Variants in STXBP6 observed in about 807,000 individuals in gnomAD.
The protein encoded by STXBP6 is syntaxin-binding protein 6.
Under a neutral mutation model 26.9 loss-of-function variants are expected in STXBP6, and 21 were observed. That is an observed-to-expected ratio of 0.78 (90% CI 0.55 to 1.12). STXBP6 has a LOEUF of 1.12. Ranked by LOEUF, STXBP6 falls within the 50% of genes most tolerant of loss-of-function variation. The probability of loss-of-function intolerance (pLI) is 0.00; values close to 1 mark genes in which losing one functional copy is unlikely to be tolerated. For synonymous variants in STXBP6, 97 were observed against 92.6 expected (o/e 1.05, Z -0.27); for missense variants, 232 against 257.9 (o/e 0.90, Z 0.69).
At chr14:24,839,545 G>C (rs772465964) in intron 4 of STXBP6, among the ~76,000 whole-genome samples, 37 of 152,036 alleles carry the variant, frequency 2.4e-4, no homozygotes, top group Non-Finnish European at 5.3e-4. Context: ...TTCTGTGTTT[G>C]AATAATCACA....
intron 2 of STXBP6, among the ~76,000 whole-genome samples, chr14:24,930,030 A>G (rs1482568952): frequency 6.6e-6 from 1 of 152,252 alleles, no homozygotes; most frequent in African/African-American, 2.4e-5. Context: ...TTAACTGACA[A>G]ATATTCCCCA....
intron 2 of STXBP6, among the ~76,000 whole-genome samples, chr14:24,910,901 A>T (rs2071547557): frequency 6.6e-6 from 1 of 152,214 alleles, no homozygotes; most frequent in Non-Finnish European, 1.5e-5. Flanking sequence ...AGGAGAAAAG[A>T]AGGGAAAAGA....
chr14:24,985,101 C>T (rs1433484810), intron 1 of STXBP6, among the ~76,000 whole-genome samples: 1 of 152,222 alleles, frequency 6.6e-6, no homozygotes, highest in Non-Finnish European at 1.5e-5. Context: ...AGTTTGAAGT[C>T]ATTCTTTCTG....
chr14:25,036,855 C>CAAAA (rs549439602), intron 1 of STXBP6, among the ~76,000 whole-genome samples: 5 of 62,292 alleles, frequency 8.0e-5, no homozygotes, highest in South Asian at 6.1e-4. Context: ...GACTCCGTCT[C>CAAAA]AAAAAAAAAA....
intron 1 of STXBP6, among the ~76,000 whole-genome samples, chr14:25,032,192 C>T (rs1595351129): frequency 1.3e-5 from 2 of 152,194 alleles, no homozygotes; most frequent in South Asian, 2.1e-4. Context: ...GCATTCTATT[C>T]TGCAGAGAGA....
intron 4 of STXBP6, among the ~76,000 whole-genome samples, chr14:24,847,022 T>A (rs1448380962): frequency 6.6e-6 from 1 of 152,184 alleles, no homozygotes. Context: ...AATAGGACTA[T>A]AGCCTTCAAC....
At chr14:24,937,146 A>C (rs1422084844) in intron 2 of STXBP6, among the ~76,000 whole-genome samples, 1 of 152,186 alleles carries the variant, frequency 6.6e-6, no homozygotes, top group Non-Finnish European at 1.5e-5. Flanking sequence ...TCGGCGGGTG[A>C]GGGTGGAGGG....
chr14:24,960,387 A>G (rs529219485), intron 2 of STXBP6, among the ~76,000 whole-genome samples: 59 of 152,336 alleles, frequency 3.9e-4, no homozygotes, highest in African/African-American at 1.4e-3. Flanking sequence ...TAAAAAATTT[A>G]TGACTGTTAA....
At chr14:24,920,786 T>C (rs1270499980) in intron 2 of STXBP6, among the ~76,000 whole-genome samples, 1 of 152,048 alleles carries the variant, frequency 6.6e-6, no homozygotes, top group African/African-American at 2.4e-5. Context: ...GTTCTAAGAA[T>C]AGTATGAAGG....
intron 2 of STXBP6, among the ~76,000 whole-genome samples, chr14:24,890,740 C>T (rs964942448): frequency 2.6e-5 from 4 of 152,124 alleles, no homozygotes; most frequent in Non-Finnish European, 5.9e-5. Context: ...AAATGTATTC[C>T]TTTGAAATAA....
At chr14:24,937,137 C>A (rs549889512) in intron 2 of STXBP6, among the ~76,000 whole-genome samples, 3 of 152,124 alleles carry the variant, frequency 2.0e-5, no homozygotes, top group East Asian at 3.9e-4. Context: ...CAGGGCCTGT[C>A]GGCGGGTGAG....
At chr14:24,943,657 C>G (rs568683438) in intron 2 of STXBP6, among the ~76,000 whole-genome samples, 1 of 152,224 alleles carries the variant, frequency 6.6e-6, no homozygotes, top group African/African-American at 2.4e-5. Flanking sequence ...ATAATAAAAC[C>G]AGTTTTTCTT....
In STXBP6 at chr14:24,987,863, G is replaced by A. The variant is rs895843483; in HGVS notation, c.-32-13013C>T. 4.1e-6 allele frequency: 4 copies of A among 985,410 alleles called. No individual in the cohort carries two copies. The African/African-American group carries it at 7.0e-5, about 17-fold the overall frequency. The allele number at this position is 985,410 out of a possible 1,614,324, so 61.0% of individuals were successfully genotyped here. On this transcript the variant is annotated intron_variant, in intron 1 of 5. Transcript: ENST00000323944. ...GAAAATGGACAAAGAGCAGAGCAAA[G>A]CTGGAATAAGATACACACTTACTCA...
intron 1 of STXBP6, among the ~76,000 whole-genome samples, chr14:24,981,067 T>A (rs770430157): frequency 4.6e-5 from 7 of 152,186 alleles, no homozygotes; most frequent in African/African-American, 7.2e-5. Flanking sequence ...GAATTACTTA[T>A]AAAACAAATA....
At chr14:24,894,494 G>A (rs1023366277) in intron 2 of STXBP6, among the ~76,000 whole-genome samples, 2 of 152,206 alleles carry the variant, frequency 1.3e-5, no homozygotes, top group Non-Finnish European at 2.9e-5. Flanking sequence ...AGTTAACTGG[G>A]GGAGAACCAG....
Position 25,022,434 on chromosome 14 carries a change from C to T in STXBP6, c.-33+27444G>A, listed in dbSNP as rs578051537. The stretch of plus-strand genomic sequence containing the variant: ...AAGTCCATTCTTGAACCAACCATTA[C>T]GGCCAGGTAAGTTGGGGAATGATTG... On this transcript the variant is annotated intron_variant, in intron 1 of 5. Transcript: ENST00000323944. Among the ~76,000 whole-genome samples, 5 of 152,278 alleles carry T rather than the reference C, an allele frequency of 3.3e-5. No individual in the cohort carries two copies. In the South Asian group the frequency reaches 6.2e-4, roughly 19 times the overall value.
chr14:25,033,435 C>A (rs576948072), intron 1 of STXBP6, among the ~76,000 whole-genome samples: 1 of 152,212 alleles, frequency 6.6e-6, no homozygotes, highest in Non-Finnish European at 1.5e-5. Flanking sequence ...TTGCAAAAAA[C>A]ATGAATCTTG....
At chr14:24,836,878 C>G (rs2068635042) in intron 4 of STXBP6, among the ~76,000 whole-genome samples, 1 of 152,070 alleles carries the variant, frequency 6.6e-6, no homozygotes, top group Non-Finnish European at 1.5e-5. Flanking sequence ...TAATTAAAGC[C>G]TTACCTTATA....
At chr14:24,943,426 T>C (rs1385841020) in intron 2 of STXBP6, among the ~76,000 whole-genome samples, 1 of 152,244 alleles carries the variant, frequency 6.6e-6, no homozygotes, top group Non-Finnish European at 1.5e-5. Context: ...AGCCACTGCT[T>C]CTTTGGGCTT....
Sources: allele counts gnomAD v4.1 joint callset (sites outside exome capture counted in the v4.1 genomes callset), GRCh38; gene constraint gnomAD v4.1.1; transcripts MANE v1.5; gene names NCBI Gene and HGNC (gene_info 2026-07-23, HGNC 2026-07-21).